Variants in ACAP3 observed in about 807,000 individuals in gnomAD.
ACAP3 encodes ArfGAP with coiled-coil, ankyrin repeat and PH domains 3.
A neutral mutation model predicts 104.1 loss-of-function variants in ACAP3; 56 were observed. That is an observed-to-expected ratio of 0.54 (90% CI 0.43 to 0.67). ACAP3 has a LOEUF of 0.67. ACAP3 is among the 30% of genes least tolerant of loss of function. The pLI is 0.00. For synonymous variants in ACAP3, 628 were observed against 496.2 expected (o/e 1.27, Z -3.53); for missense variants, 1,208 against 1,174.9 (o/e 1.03, Z -0.41).
intron 19 of ACAP3, 63 bp from the exon 20 acceptor site, chr1:1,294,879 G>T: frequency 6.6e-7 from 1 of 1,510,790 alleles, no homozygotes; most frequent in Non-Finnish European, 9.0e-7. Context: ...CAGAGCCCTG[G>T]GGCAAGGCTG....
chr1:1,299,309 C>T (rs376555536), intron 10 of ACAP3, 36 bp downstream of exon 10: 18 of 1,591,602 alleles, frequency 1.1e-5, no homozygotes, highest in South Asian at 5.7e-5. Context: ...TGGTCTCCCC[C>T]GACCCACAGC....
Position 1,303,310 on chromosome 1 carries a change from A to G in ACAP3, c.106-29T>C. On this transcript the variant is annotated intron_variant, in intron 2 of 23. Coordinates refer to ENST00000354700, the MANE Select transcript of ACAP3 (RefSeq NM_030649.3). The surrounding 1 kb of genome is among the most constrained non-coding windows in gnomAD (Gnocchi z 4.0). ...TGGGCCAGCGGGGCGTGGTGAGCAC[A>G]GTGGGCACTGGCGCCTGCACTCGCC... The G allele has an allele frequency of 1.9e-6, 3 of 1,555,132 alleles. No homozygotes were observed. The East Asian group carries it at 7.2e-5, about 37-fold the overall frequency.
At chr1:1,296,672 T>G in intron 14 of ACAP3, 39 bp from the exon 15 acceptor site, 1 of 1,516,084 alleles carries the variant, frequency 6.6e-7, no homozygotes, top group Non-Finnish European at 8.8e-7. Flanking sequence ...CCGCAGGGGC[T>G]CCAGCATGGT....
At chr1:1,298,146 A>G in intron 12 of ACAP3, 33 bp from the exon 13 acceptor site, 3 of 1,582,990 alleles carry the variant, frequency 1.9e-6, no homozygotes, top group Non-Finnish European at 1.7e-6. Context: ...CCCTGCCCTC[A>G]GCCACCACCC....
At chr1:1,302,816 G>T in intron 4 of ACAP3, 106 bp downstream of exon 4, 1 of 517,314 alleles carries the variant, frequency 1.9e-6, no homozygotes, top group African/African-American at 2.2e-5. Flanking sequence ...CCGACTAGAG[G>T]AGCAGAAACG....
chr1:1,300,529 C>T lies in ACAP3; in HGVS notation c.502G>A (p.Ala168Thr). 1 of 1,611,332 alleles carries T rather than the reference C, an allele frequency of 6.2e-7. No individual in the cohort carries two copies. The highest frequency in any genetic ancestry group is 8.5e-7 in the Non-Finnish European group (1 of 1,179,580). ...CTGACCTGGAGCACATAGTCCAGTG[C>T]CAGGTGGCGGAAGCACTTCCTGGTG... ...TLTRKCFRHL[A>T]LDYVLQINVL... The change falls in exon 6 of 24, where the codon GCA becomes ACA. Residue 168 changes from alanine to threonine, a missense_variant. By Grantham distance (58) the Ala-to-Thr change is moderately conservative (BLOSUM62 0). Coordinates refer to ENST00000354700, the MANE Select transcript of ACAP3 (RefSeq NM_030649.3).
Position 1,299,984 on chromosome 1 carries a change from GCTT to G in ACAP3, c.649_651del (p.Lys217del), listed in dbSNP as rs769854601. On this transcript the variant is annotated inframe_deletion, in exon 8 of 24. Transcript: ENST00000354700. ...TCCCAAAGGCTCACCTCGGCTGCCA[GCTT>G]CTTCATGTAGGGGTCCAGCTGGTGC... 1.4e-5 allele frequency: 23 copies of G among 1,609,538 alleles called. No homozygotes were observed.
intron 22 of ACAP3, 42 bp downstream of exon 22, chr1:1,294,048 C>A (rs750494399): frequency 2.1e-5 from 32 of 1,514,022 alleles, no homozygotes; most frequent in Non-Finnish European, 2.7e-5. Flanking sequence ...CCGGGGTAGG[C>A]GTGGTCGGGG....
At chr1:1,307,033 G>A (rs920647268) in intron 1 of ACAP3, 21 of 566,898 alleles carry the variant, frequency 3.7e-5, no homozygotes, top group African/African-American at 2.3e-4. Context: ...CACCCCGCAC[G>A]AGCTCGTGCA....
rs557481311 is a variant in ACAP3 at position 1,293,345 on chromosome 1, G to A, written c.*219C>T. ...CCAGGTGGGGTGAGGGACACCCGAC[G>A]ATGCAGCACCCCCCCAGGGAAACGT... On this transcript the variant is annotated 3_prime_UTR_variant, in exon 24 of 24. Coordinates refer to ENST00000354700, the MANE Select transcript of ACAP3 (RefSeq NM_030649.3). 3.5e-5 allele frequency: 13 copies of A among 370,310 alleles called. No homozygotes were observed. The highest frequency in any genetic ancestry group is 4.5e-5 in the Non-Finnish European group (10 of 222,762). 22.9% of individuals were successfully genotyped at this position (370,310 alleles called of 1,614,324 possible). A position where few individuals can be genotyped will look rare whatever the true frequency, so the allele number is the denominator to read the frequency against.
In ACAP3 at chr1:1,298,359, C is replaced by G. The variant is rs1178370931; in HGVS notation, c.915+11G>C. The G allele has an allele frequency of 1.2e-5, 20 of 1,605,114 alleles. No individual in the cohort carries two copies. Among genetic ancestry groups the G allele is most frequent in the Non-Finnish European group, 1.7e-5 (20 of 1,175,998 alleles). On this transcript the variant is annotated intron_variant, in intron 12 of 23. Coordinates refer to ENST00000354700, the MANE Select transcript of ACAP3 (RefSeq NM_030649.3). ...AGCCATCAGGGCCCCAGCCCCAGGC[C>G]CAGGGCACACCTTGAGCTTCTTCTG...
chr1:1,306,241 G>A (rs1641688127), intron 1 of ACAP3, among the ~76,000 whole-genome samples: 2 of 152,264 alleles, frequency 1.3e-5, no homozygotes, highest in Admixed American at 6.5e-5. Context: ...AAGGCCCAGA[G>A]GTGAGTGGGT....
rs1043439364 is a variant in ACAP3, at chr1:1,294,770, C to T, written c.1860G>A (p.Ser620=). The T allele has an allele frequency of 7.7e-6, 12 of 1,549,628 alleles. No homozygotes were observed. In the East Asian group the frequency reaches 1.5e-4, roughly 19 times the overall value. ...AGCCCGAGCCGAAAGCCAGGACGTCCGAGCTGCCATCCGAGCTGCCCCCAA... is the reference window on the plus strand; with the variant it reads ...AGCCCGAGCCGAAAGCCAGGACGTCTGAGCTGCCATCCGAGCTGCCCCCAA... The part of the protein sequence containing the change: ...SGLGGSSDGS[S]DVLAFGSGSV... The change falls in exon 20 of 24, where the codon TCG becomes TCA. Residue 620 remains serine, a synonymous_variant. Transcript: ENST00000354700.
chr1:1,302,591 T>C (rs1292427983), intron 4 of ACAP3, among the ~76,000 whole-genome samples: 3 of 152,106 alleles, frequency 2.0e-5, no homozygotes, highest in Non-Finnish European at 2.9e-5. Flanking sequence ...CTGTCCTGTG[T>C]GTCCATCCAC....
chr1:1,299,289 C>G (rs1641340499), intron 10 of ACAP3, 56 bp downstream of exon 10: 2 of 1,575,114 alleles, frequency 1.3e-6, no homozygotes, highest in African/African-American at 1.4e-5. Flanking sequence ...GGGAAAGGCA[C>G]CGCCCCATCT....
In ACAP3 at chr1:1,296,537, C is replaced by T. The variant is rs778666650; in HGVS notation, c.1225G>A (p.Val409Met). Residue 409 changes from valine (V) to methionine (M), a missense_variant, in exon 15 of 24, where the codon GTG becomes ATG. Val to Met is a conservative substitution (Grantham distance 21). Coordinates refer to ENST00000354700, the MANE Select transcript of ACAP3 (RefSeq NM_030649.3). ...TGGCTGTTGCCGGCCACACTCTGCA[C>T]ACGCTGCAGCACACTCTCGCCCTTC... The part of the protein sequence containing the change: ...GVKGESVLQR[V>M]QSVAGNSQCG... 16 of 1,539,674 alleles carry T rather than the reference C, an allele frequency of 1.0e-5. No individual in the cohort carries two copies. The highest frequency in any genetic ancestry group is 1.3e-5 in the Non-Finnish European group (15 of 1,146,704).
chr1:1,300,393 T>C (rs1387097017), intron 6 of ACAP3, 116 bp downstream of exon 6: 36 of 1,295,930 alleles, frequency 2.8e-5, no homozygotes, highest in African/African-American at 7.5e-5. Context: ...TTCCCACCCA[T>C]GGGCAAAGCA....
Position 1,295,923 on chromosome 1 carries a change from G to C in ACAP3, c.1518C>G (p.Ala506=), listed in dbSNP as rs1018453428. Residue 506 remains alanine, a synonymous_variant, in exon 18 of 24, where the codon GCC becomes GCG. Transcript: ENST00000354700. The part of the protein sequence containing the change: ...TASSSRQDKE[A]WIKDKYVEKK... ...TTTCCACGTATTTGTCCTTGATCCA[G>C]GCCTCCTTGTCCTGCCTGGACCAGG... is the stretch of plus-strand genomic sequence containing the variant. The C allele has an allele frequency of 1.2e-6, 2 of 1,612,456 alleles. No homozygotes were observed. The highest frequency in any genetic ancestry group is 1.6e-4 in the Middle Eastern group (1 of 6,062).
At chr1:1,306,785 T>C (rs1305239730) in intron 1 of ACAP3, among the ~76,000 whole-genome samples, 2 of 152,226 alleles carry the variant, frequency 1.3e-5, no homozygotes, top group African/African-American at 4.8e-5. Flanking sequence ...CAGACACGCA[T>C]CAACATGTGT....
Sources: allele counts gnomAD v4.1 joint callset (sites outside exome capture counted in the v4.1 genomes callset), GRCh38; gene constraint gnomAD v4.1.1; non-coding constraint Gnocchi (gnomAD v3.1); transcripts MANE v1.5; gene names NCBI Gene and HGNC (gene_info 2026-07-23, HGNC 2026-07-21).